SALL3: variants seen among roughly 807,000 people sequenced by gnomAD.
SALL3 encodes spalt like transcription factor 3.
A neutral mutation model predicts 66.2 loss-of-function variants in SALL3; 25 were observed. The ratio of observed to expected loss-of-function variants is 0.38; its 90% CI spans 0.28 to 0.53. SALL3 has a LOEUF of 0.53. Ranked by LOEUF, SALL3 falls within the 20% of genes least tolerant of loss-of-function variation. The pLI, the probability that SALL3 is intolerant of heterozygous loss-of-function variation, is 0.85. For synonymous variants in SALL3, 1,152 were observed against 899.1 expected (o/e 1.28, Z -5.03); for missense variants, 2,194 against 1,916.5 (o/e 1.14, Z -2.70).
chr18:78,992,651 G>A lies in SALL3; in HGVS notation c.660G>A (p.Leu220=), dbSNP rs758202338. ...MALQQQQIHQ[L]QLIEQIRSQV... is the part of the protein sequence containing the mutation. Reference sequence around the variant, plus strand: ...TGCAGCAGCAGCAGATCCACCAGCTGCAGCTCATCGAGCAGATCCGCAGCC... The same window carrying A: ...TGCAGCAGCAGCAGATCCACCAGCTACAGCTCATCGAGCAGATCCGCAGCC... The change falls in exon 2 of 3, where the codon CTG becomes CTA. Residue 220 remains leucine (L), a synonymous_variant. Transcript: ENST00000537592. The A allele has an allele frequency of 6.5e-6, 10 of 1,547,538 alleles. No individual in the cohort carries two copies. The Admixed American group carries it at 7.0e-5, about 11-fold the overall frequency.
At chr18:78,986,853 T>C (rs1183662195) in intron 1 of SALL3, among the ~76,000 whole-genome samples, 3 of 152,242 alleles carry the variant, frequency 2.0e-5, no homozygotes, top group Admixed American at 2.0e-4. Context: ...AACACCTATA[T>C]TAATACTACT....
chr18:78,990,374 A>G (rs1914388486), intron 1 of SALL3, among the ~76,000 whole-genome samples: 1 of 152,244 alleles, frequency 6.6e-6, no homozygotes, highest in East Asian at 1.9e-4. Context: ...TTAGCCAGTT[A>G]AGAAAATGCT....
chr18:78,995,593 T>C lies in SALL3; in HGVS notation c.3471+131T>C, dbSNP rs1020963574. On this transcript the variant is annotated intron_variant, in intron 2 of 2. Transcript: ENST00000537592. Reference sequence around the variant, plus strand: ...GGCCAGGGGGGTGAGATGCCACGCCTGTGGGTGTGTGTGCGTGATGTGTGC... The same window carrying C: ...GGCCAGGGGGGTGAGATGCCACGCCCGTGGGTGTGTGTGCGTGATGTGTGC... The C allele has an allele frequency of 4.4e-6, 6 of 1,362,354 alleles. No homozygotes were observed. The African/African-American group carries it at 8.8e-5, about 20-fold the overall frequency. 84.4% of individuals were successfully genotyped at this position (1,362,354 alleles called of 1,614,324 possible).
At position 78,992,902 on chromosome 18, in the gene SALL3, G is replaced by C; in HGVS notation, c.911G>C (p.Gly304Ala). Reference protein sequence around the residue: ...RPESGASTPGGPAEPSAPAAP... With the variant: ...RPESGASTPGAPAEPSAPAAP... ...GAGTCTGGCGCCAGCACCCCCGGCG[G>C]CCCTGCGGAGCCCAGCGCGCCCGCC... The change falls in exon 2 of 3, where the codon GGC (glycine) becomes GCC (alanine). Residue 304 changes from glycine (G) to alanine (A), a missense_variant. Transcript: ENST00000537592. The C allele has an allele frequency of 1.0e-6, 1 of 984,450 alleles. No individual in the cohort carries two copies. The highest frequency in any genetic ancestry group is 1.2e-6 in the Non-Finnish European group (1 of 831,298). 61.0% of individuals were successfully genotyped at this position (984,450 alleles called of 1,614,324 possible).
chr18:78,992,872 G>C lies in SALL3; in HGVS notation c.881G>C (p.Arg294Pro). Residue 294 changes from arginine to proline, a missense_variant, in exon 2 of 3, where the codon CGG becomes CCG. Physicochemically the swap from Arg to Pro is moderately radical, Grantham distance 103. Transcript: ENST00000537592. ...TTCGAGGGCGCGCAGCCGCTGTCCC[G>C]GCCCGAGTCTGGCGCCAGCACCCCC... ...AAFEGAQPLS[R>P]PESGASTPGG... 1.0e-6 allele frequency: 1 copy of C among 985,310 alleles called. No homozygotes were observed. Among genetic ancestry groups the C allele is most frequent in the Non-Finnish European group, 1.2e-6 (1 of 831,748 alleles). The allele number at this position is 985,310 out of a possible 1,614,324, so 61.0% of individuals were successfully genotyped here.
intron 1 of SALL3, among the ~76,000 whole-genome samples, chr18:78,987,576 TTAAATGGAAAAAAAAAC>T (rs949390795): frequency 3.9e-5 from 6 of 152,088 alleles, no homozygotes; most frequent in African/African-American, 1.4e-4. Flanking sequence ...TCACTGTAAA[TTAAATGGAAAAAAAAAC>T]TATATTTTTA....
In SALL3 at chr18:78,979,977, C is replaced by G. The variant is rs1841370252; in HGVS notation, c.-298C>G. Among the ~76,000 whole-genome samples, 1 of 145,184 alleles carries G rather than the reference C, an allele frequency of 6.9e-6. No homozygotes were observed. Among genetic ancestry groups the G allele is most frequent in the African/African-American group, 2.5e-5 (1 of 40,542 alleles). On this transcript the variant is annotated 5_prime_UTR_variant, in exon 1 of 3. Coordinates refer to ENST00000537592, the MANE Select transcript of SALL3 (RefSeq NM_171999.4). ...CGCGATGTGAGGCGGCGCCGGGCAG[C>G]GCGCGCCCCGGTCCCGAGGCGCCGC...
chr18:78,993,642 C>T lies in SALL3; in HGVS notation c.1651C>T (p.Arg551Cys), dbSNP rs772632976. ...ADSPSATPASRSPQRPSPASS... is the reference protein window; with the variant it reads ...ADSPSATPASCSPQRPSPASS... ...CTCTCCCAGCGCCACCCCAGCCAGC[C>T]GCTCCCCGCAGAGGCCCTCGCCCGC... is the stretch of plus-strand genomic sequence containing the variant. The change falls in exon 2 of 3, where the codon CGC becomes TGC. Residue 551 changes from arginine to cysteine, a missense_variant. By Grantham distance (180) the Arg-to-Cys change is radical (BLOSUM62 -3). Coordinates refer to ENST00000537592, the MANE Select transcript of SALL3 (RefSeq NM_171999.4). 2.3e-5 allele frequency: 36 copies of T among 1,587,912 alleles called. No individual in the cohort carries two copies. The South Asian group carries it at 3.3e-4, about 15-fold the overall frequency.
chr18:78,991,687 A>G, intron 1 of SALL3: 1 of 209,234 alleles, frequency 4.8e-6, no homozygotes, highest in Non-Finnish European at 9.4e-6. Flanking sequence ...AGCAATGTTA[A>G]GTGAACTGGC....
rs1375849203 is a variant in SALL3, at chr18:78,985,198, A to G, written c.82+4842A>G. 5.9e-5 allele frequency: 9 copies of G among 152,240 alleles called. No individual in the cohort carries two copies. The East Asian group carries it at 1.5e-3, about 26-fold the overall frequency. The allele number at this position is 152,240 out of a possible 1,614,324, so 9.4% of individuals were successfully genotyped here. On this transcript the variant is annotated intron_variant, in intron 1 of 2. Coordinates refer to ENST00000537592, the MANE Select transcript of SALL3 (RefSeq NM_171999.4). ...TGCATCTGTGCTGTTGACCTTGGCA[A>G]CAGGGCTCACCACTGTTCTGTTAAG... is the stretch of plus-strand genomic sequence containing the variant.
At chr18:78,981,049 C>G (rs558651144) in intron 1 of SALL3, among the ~76,000 whole-genome samples, 5 of 152,328 alleles carry the variant, frequency 3.3e-5, no homozygotes, top group South Asian at 2.1e-4. Context: ...TTTTCTCTCC[C>G]GTCTTTTTGG....
rs540892624 is a variant in SALL3 at position 78,995,190 on chromosome 18, G to C, written c.3199G>C (p.Gly1067Arg). ...APTMIKMEVN[G>R]HGKAMALGEG... ...CACCATGATCAAAATGGAAGTGAAC[G>C]GTCACGGCAAGGCCATGGCGCTGGG... Residue 1067 changes from glycine (G) to arginine (R), a missense_variant, in exon 2 of 3, where the codon GGT becomes CGT. Physicochemically the swap from Gly to Arg is moderately radical, Grantham distance 125. Transcript: ENST00000537592. 1.2e-6 allele frequency: 2 copies of C among 1,611,580 alleles called. No individual in the cohort carries two copies. The highest frequency in any genetic ancestry group is 2.2e-5 in the South Asian group (2 of 91,078).
In SALL3 at chr18:78,992,399, G is replaced by T; in HGVS notation, c.408G>T (p.Ala136=). Residue 136 remains alanine (A), a synonymous_variant, in exon 2 of 3, where the codon GCG becomes GCT. Transcript: ENST00000537592. ...AGAAGGAGGCCGAGCCCATGGACGCGGAACCCGCGGGGGACACGCGCGCGC... is the reference window on the plus strand; with the variant it reads ...AGAAGGAGGCCGAGCCCATGGACGCTGAACCCGCGGGGGACACGCGCGCGC... ...PVEKEAEPMD[A]EPAGDTRAPR... 7.6e-7 allele frequency: 1 copy of T among 1,324,148 alleles called. No individual in the cohort carries two copies. The highest frequency in any genetic ancestry group is 9.6e-7 in the Non-Finnish European group (1 of 1,043,726). The allele number at this position is 1,324,148 out of a possible 1,614,324, so 82.0% of individuals were successfully genotyped here.
intron 1 of SALL3, among the ~76,000 whole-genome samples, chr18:78,981,391 C>T (rs900372278): frequency 2.0e-5 from 3 of 152,200 alleles, no homozygotes; most frequent in African/African-American, 7.2e-5. Context: ...CTTAAAAAAA[C>T]AGGCAGGCCA....
In SALL3 at chr18:78,994,148, G is replaced by A. The variant is rs143605568; in HGVS notation, c.2157G>A (p.Lys719=). 5.0e-6 allele frequency: 8 copies of A among 1,613,084 alleles called. No individual in the cohort carries two copies. The East Asian group carries it at 1.8e-4, about 36-fold the overall frequency. ...TCTGCGGCCGCGCCTTCACCACCAA[G>A]GGCAACCTCAAGACGCACTTCGGCG... ...CKICGRAFTT[K]GNLKTHFGVH... is the part of the protein sequence containing the mutation. The change falls in exon 2 of 3, where the codon AAG becomes AAA. Residue 719 remains lysine, a synonymous_variant. Coordinates refer to ENST00000537592, the MANE Select transcript of SALL3 (RefSeq NM_171999.4).
Position 78,993,642 on chromosome 18 carries a change from C to G in SALL3, c.1651C>G (p.Arg551Gly). ...ADSPSATPAS[R>G]SPQRPSPASS... Reference sequence around the variant, plus strand: ...CTCTCCCAGCGCCACCCCAGCCAGCCGCTCCCCGCAGAGGCCCTCGCCCGC... The same window carrying G: ...CTCTCCCAGCGCCACCCCAGCCAGCGGCTCCCCGCAGAGGCCCTCGCCCGC... The change falls in exon 2 of 3, where the codon CGC (arginine) becomes GGC (glycine). Residue 551 changes from arginine (R) to glycine (G), a missense_variant. By Grantham distance (125) the Arg-to-Gly change is moderately radical. Transcript: ENST00000537592. The G allele has an allele frequency of 6.3e-7, 1 of 1,588,030 alleles. No individual in the cohort carries two copies. Among genetic ancestry groups the G allele is most frequent in the African/African-American group, 1.3e-5 (1 of 74,646 alleles).
rs370895727 is a variant in SALL3, at chr18:78,993,092, C to G, written c.1101C>G (p.Ser367=). ...CAAGTCCGCTTCTACCTCAGACTTC[C>G]GCCAGCGGCGTCATCTTCCCCAACC... The part of the protein sequence containing the change: ...GLPSPLLPQT[S]ASGVIFPNPL... Residue 367 remains serine, a synonymous_variant, in exon 2 of 3, where the codon TCC becomes TCG. Coordinates refer to ENST00000537592, the MANE Select transcript of SALL3 (RefSeq NM_171999.4). The G allele has an allele frequency of 2.5e-6, 4 of 1,599,910 alleles. No individual in the cohort carries two copies. The highest frequency in any genetic ancestry group is 3.4e-5 in the Admixed American group (2 of 59,522).
rs1380055696 is a variant in SALL3, at chr18:78,989,785, TA to T, written c.83-2288del. ...AATATTTTGTATCATTGTTTCAAAA[TA>T]TTGGAAAACCCCTTAAAACACTCTG... is the stretch of plus-strand genomic sequence containing the variant. On this transcript the variant is annotated intron_variant, in intron 1 of 2. Transcript: ENST00000537592. 2.6e-5 allele frequency among the ~76,000 whole-genome samples: 4 copies of T among 152,232 alleles called. No homozygotes were observed. The East Asian group carries it at 7.7e-4, about 29-fold the overall frequency.
chr18:78,981,885 C>T (rs1034449889), intron 1 of SALL3, among the ~76,000 whole-genome samples: 10 of 152,124 alleles, frequency 6.6e-5, no homozygotes, highest in African/African-American at 2.2e-4. Flanking sequence ...ATGAGAAAGA[C>T]AGTCTTTCCT....
Sources: allele counts gnomAD v4.1 joint callset (sites outside exome capture counted in the v4.1 genomes callset), GRCh38; gene constraint gnomAD v4.1.1; transcripts MANE v1.5; gene names NCBI Gene and HGNC (gene_info 2026-07-23, HGNC 2026-07-21).